ANKRD17: variants seen among roughly 807,000 people sequenced by gnomAD.
The protein encoded by ANKRD17 is ankyrin repeat domain-containing protein 17.
ANKRD17 carries 19 observed loss-of-function variants against 229.7 expected under a neutral mutation model. The observed-to-expected ratio is 0.08, with a 90% confidence interval of 0.06 to 0.12. The LOEUF (loss-of-function observed/expected upper bound fraction) is 0.12. Ranked by LOEUF, ANKRD17 falls within the 10% of genes least tolerant of loss-of-function variation. The probability of loss-of-function intolerance (pLI) is 1.00; values close to 1 mark genes in which losing one functional copy is unlikely to be tolerated. For synonymous variants in ANKRD17, 1,112 were observed against 1,146.1 expected (o/e 0.97, Z 0.60); for missense variants, 2,176 against 3,176.8 (o/e 0.68, Z 7.57).
At chr4:73,127,018 T>C (rs1006477567) in intron 16 of ANKRD17, among the ~76,000 whole-genome samples, 5 of 152,358 alleles carry the variant, frequency 3.3e-5, no homozygotes, top group African/African-American at 1.2e-4. Flanking sequence ...ATAACTGATA[T>C]TCAATTTGGT....
intron 2 of ANKRD17, among the ~76,000 whole-genome samples, chr4:73,169,713 C>T (rs1040997267): frequency 6.6e-6 from 1 of 152,184 alleles, no homozygotes; most frequent in Non-Finnish European, 1.5e-5. Flanking sequence ...GACACCCCTC[C>T]CTAATCCCCT....
rs1578214694 is a variant in ANKRD17, at chr4:73,156,287, C to A, written c.705-121G>T. ...TAGAAACGGAGTCTTGCTCTGTCAC[C>A]CAGGAGGGGGTACAGTGATGCAATC... On this transcript the variant is annotated intron_variant, in intron 3 of 33. Coordinates refer to ENST00000358602, the MANE Select transcript of ANKRD17 (RefSeq NM_032217.5). 2.4e-6 allele frequency: 3 copies of A among 1,231,500 alleles called. No individual in the cohort carries two copies. In the East Asian group the frequency reaches 7.9e-5, roughly 32 times the overall value. The allele number at this position is 1,231,500 out of a possible 1,614,324, so 76.3% of individuals were successfully genotyped here. A position where few individuals can be genotyped will look rare whatever the true frequency, so the allele number is the denominator to read the frequency against.
chr4:73,114,148 C>T (rs371054721), intron 23 of ANKRD17, among the ~76,000 whole-genome samples: 9 of 152,134 alleles, frequency 5.9e-5, no homozygotes, highest in East Asian at 3.9e-4. Context: ...TTAGCAGGCA[C>T]TTCAGAAACT....
At chr4:73,078,996 A>C in intron 30 of ANKRD17, 106 bp from the exon 31 acceptor site, 3 of 1,296,820 alleles carry the variant, frequency 2.3e-6, no homozygotes, top group Non-Finnish European at 3.1e-6. Context: ...ATATTCTCAG[A>C]AAAACAAAGT....
Position 73,258,420 on chromosome 4 carries a change from G to C in ANKRD17, c.249C>G (p.Pro83=). The change falls in exon 1 of 34, where the codon CCC becomes CCG. Residue 83 remains proline (P), a synonymous_variant. Coordinates refer to ENST00000358602, the MANE Select transcript of ANKRD17 (RefSeq NM_032217.5). ...KAKRNRTCRP[P]SSSESSSDSD... ...TGTCGCTGCTGCTTTCGCTGCTGCT[G>C]GGGGGTCGGCAAGTCCGGTTACGCT... The C allele has an allele frequency of 3.1e-6, 5 of 1,610,398 alleles. No individual in the cohort carries two copies. Among genetic ancestry groups the C allele is most frequent in the African/African-American group, 1.3e-5 (1 of 74,846 alleles).
At position 73,126,975 on chromosome 4, in the gene ANKRD17, TTTTAAATTGTATTTAACTTTAA is replaced by T. The variant is rs144162171; in HGVS notation, c.3235-1685_3235-1664del. 1.8e-3 allele frequency among the ~76,000 whole-genome samples: 279 copies of T among 152,360 alleles called. 1 individual carries two copies. The highest frequency in any genetic ancestry group is 3.1e-3 in the Non-Finnish European group (208 of 68,036). On this transcript the variant is annotated intron_variant, in intron 16 of 33. Coordinates refer to ENST00000358602, the MANE Select transcript of ANKRD17 (RefSeq NM_032217.5). ...TGGTTAGTGTAACAGAGGAACTGAA[TTTTAAATTGTATTTAACTTTAA>T]TTTAAATGTAATAACTGATATTCAA...
At chr4:73,150,730 G>A (rs971489701) in intron 7 of ANKRD17, among the ~76,000 whole-genome samples, 4 of 151,998 alleles carry the variant, frequency 2.6e-5, no homozygotes, top group African/African-American at 9.7e-5. Flanking sequence ...CCTTTCTACC[G>A]CTGGCCTGTT....
At chr4:73,248,670 C>T (rs137950883) in intron 1 of ANKRD17, among the ~76,000 whole-genome samples, 1,619 of 151,902 alleles carry the variant, frequency 0.011, 16 homozygotes, top group Middle Eastern at 0.02. Context: ...TATCATTGTG[C>T]TAAGTTTCAA....
At chr4:73,100,081 C>G (rs1395913492) in intron 25 of ANKRD17, among the ~76,000 whole-genome samples, 1 of 152,214 alleles carries the variant, frequency 6.6e-6, no homozygotes, top group Non-Finnish European at 1.5e-5. Context: ...CATTTTTCCT[C>G]TGTTCACAAA....
At chr4:73,100,507 T>C (rs1315138336) in intron 25 of ANKRD17, among the ~76,000 whole-genome samples, 1 of 150,760 alleles carries the variant, frequency 6.6e-6, no homozygotes, top group African/African-American at 2.4e-5. Flanking sequence ...GAAAAAAAAA[T>C]TGGGGGGACA....
chr4:73,099,320 C>T (rs1466542114), intron 25 of ANKRD17, among the ~76,000 whole-genome samples: 2 of 152,150 alleles, frequency 1.3e-5, no homozygotes, highest in African/African-American at 2.4e-5. Flanking sequence ...AGCACACCAG[C>T]CACTGCAGGG....
intron 2 of ANKRD17, among the ~76,000 whole-genome samples, chr4:73,166,865 C>T (rs1351003506): frequency 6.6e-6 from 1 of 151,276 alleles, no homozygotes; most frequent in Non-Finnish European, 1.5e-5. Flanking sequence ...AAATAATTAA[C>T]ATTAAAACTA....
chr4:73,227,554 T>A (rs1262741825), intron 1 of ANKRD17, among the ~76,000 whole-genome samples: 3 of 152,080 alleles, frequency 2.0e-5, no homozygotes, highest in Admixed American at 6.6e-5. Flanking sequence ...AGTATTAAAG[T>A]GTAAATAGCA....
At chr4:73,187,982 A>G (rs1175729618) in intron 1 of ANKRD17, among the ~76,000 whole-genome samples, 1 of 152,230 alleles carries the variant, frequency 6.6e-6, no homozygotes, top group Non-Finnish European at 1.5e-5. Flanking sequence ...TGTAATACTT[A>G]TATTTCATAG....
At chr4:73,079,841 GC>G (rs1167218871) in intron 30 of ANKRD17, among the ~76,000 whole-genome samples, 13 of 152,132 alleles carry the variant, frequency 8.5e-5, no homozygotes, top group South Asian at 2.1e-4. Flanking sequence ...TTGGCCGGGC[GC>G]GGTGGCACAC....
chr4:73,124,796 G>A (rs1301369002), intron 18 of ANKRD17, 117 bp downstream of exon 18: 8 of 1,271,276 alleles, frequency 6.3e-6, no homozygotes, highest in Admixed American at 5.1e-5. Context: ...AATAGTTTCA[G>A]TTATTGTGAG....
chr4:73,228,304 T>C (rs1742702912), intron 1 of ANKRD17, among the ~76,000 whole-genome samples: 1 of 152,174 alleles, frequency 6.6e-6, no homozygotes, highest in African/African-American at 2.4e-5. Flanking sequence ...ATTTTACCTT[T>C]TATTTCTCCT....
chr4:73,249,427 T>C (rs1000347738), intron 1 of ANKRD17, among the ~76,000 whole-genome samples: 6 of 152,244 alleles, frequency 3.9e-5, no homozygotes, highest in African/African-American at 1.4e-4. Context: ...ATTTCTACAA[T>C]GTACTTTCAA....
chr4:73,110,243 G>C (rs1028585897), intron 24 of ANKRD17, among the ~76,000 whole-genome samples: 2 of 152,184 alleles, frequency 1.3e-5, no homozygotes, highest in African/African-American at 4.8e-5. Context: ...AACTTGACCA[G>C]ATGGAACTAC....
Sources: allele counts gnomAD v4.1 joint callset (sites outside exome capture counted in the v4.1 genomes callset), GRCh38; gene constraint gnomAD v4.1.1; transcripts MANE v1.5; gene names NCBI Gene and HGNC (gene_info 2026-07-23, HGNC 2026-07-21).